The following SMAD2 variants were observed in gnomAD, a reference collection of about 807,000 sequenced individuals.
The protein encoded by SMAD2 is SMAD family member 2, also known as MAD homolog 2.
A neutral mutation model predicts 64.4 loss-of-function variants in SMAD2; 8 were observed. The ratio of observed to expected loss-of-function variants is 0.12; its 90% CI spans 0.07 to 0.22. The LOEUF (loss-of-function observed/expected upper bound fraction) is 0.22. SMAD2 is among the 10% of genes least tolerant of loss of function. The probability of loss-of-function intolerance (pLI) is 1.00; values close to 1 mark genes in which losing one functional copy is unlikely to be tolerated. For missense variants in SMAD2, 289 were observed against 561.2 expected, an observed-to-expected ratio of 0.51 and a Z score of 4.90; for synonymous variants, 203 against 195.8, an observed-to-expected ratio of 1.04 and a Z score of -0.31.
intron 7 of SMAD2, among the ~76,000 whole-genome samples, chr18:47,849,909 G>A (rs948057806): frequency 1.8e-4 from 27 of 151,672 alleles, no homozygotes; most frequent in African/African-American, 5.8e-4. Flanking sequence ...TCAGGAGGCT[G>A]AGGCAGAGAA....
chr18:47,930,669 G>T (rs1166468376), upstream of SMAD2: 1 of 149,430 alleles, frequency 6.7e-6, no homozygotes, highest in Non-Finnish European at 1.5e-5. Context: ...CGCCCGCGCT[G>T]CCCCTCCTCC....
chr18:47,897,870 A>G (rs2033509576), intron 1 of SMAD2, among the ~76,000 whole-genome samples: 2 of 152,206 alleles, frequency 1.3e-5, no homozygotes, highest in African/African-American at 4.8e-5. Flanking sequence ...AGTGAGATAT[A>G]GGAAAAAGGA....
In SMAD2 at chr18:47,837,571, A is replaced by C. The variant is rs879147751; in HGVS notation, c.*4256T>G. Reference sequence around the variant, plus strand: ...AGCGAGACTCCCTCTCAAAAAAAAAAAAAAAAAACAAAAAACAAGGCTAAC... The same window carrying C: ...AGCGAGACTCCCTCTCAAAAAAAAACAAAAAAAACAAAAAACAAGGCTAAC... On this transcript the variant is annotated 3_prime_UTR_variant, in exon 11 of 11. Coordinates refer to ENST00000262160, the MANE Select transcript of SMAD2 (RefSeq NM_005901.6). The C allele has an allele frequency of 7.7e-3, 1,754 of 227,470 alleles. 16 individuals carry two copies. The highest frequency in any genetic ancestry group is 0.011 in the East Asian group (162 of 15,308). 14.1% of individuals were successfully genotyped at this position (227,470 alleles called of 1,614,324 possible).
intron 2 of SMAD2, among the ~76,000 whole-genome samples, chr18:47,879,501 T>TGTGTGC (rs1568076042): frequency 1.4e-5 from 2 of 145,090 alleles, no homozygotes; most frequent in African/African-American, 5.6e-5. Flanking sequence ...ATGACGTGTG[T>TGTGTGC]GTGTGTGTGT....
At chr18:47,890,170 G>A (rs2033123743) in intron 2 of SMAD2, among the ~76,000 whole-genome samples, 1 of 152,150 alleles carries the variant, frequency 6.6e-6, no homozygotes, top group Non-Finnish European at 1.5e-5. Context: ...TTAGCAAAGT[G>A]CCTTCCAAAG....
In SMAD2 at chr18:47,838,378, A is replaced by G. The variant is rs1239896475; in HGVS notation, c.*3449T>C. ...TGCCAAAGTGACAGGTCCTGAGGAAAAAAAACACAACCTCTACAAGACCAA... is the reference window on the plus strand; with the variant it reads ...TGCCAAAGTGACAGGTCCTGAGGAAGAAAAACACAACCTCTACAAGACCAA... On this transcript the variant is annotated 3_prime_UTR_variant, in exon 11 of 11. Coordinates refer to ENST00000262160, the MANE Select transcript of SMAD2 (RefSeq NM_005901.6). 4.3e-6 allele frequency: 1 copy of G among 233,200 alleles called. No homozygotes were observed. Among genetic ancestry groups the G allele is most frequent in the African/African-American group, 2.2e-5 (1 of 45,336 alleles). 14.4% of individuals were successfully genotyped at this position (233,200 alleles called of 1,614,324 possible).
At chr18:47,891,112 C>T (rs1164939488) in intron 2 of SMAD2, among the ~76,000 whole-genome samples, 2 of 152,096 alleles carry the variant, frequency 1.3e-5, no homozygotes, top group African/African-American at 4.8e-5. Flanking sequence ...CGAAACCAGC[C>T]TGACCAACAT....
chr18:47,869,509 TAA>T, intron 3 of SMAD2, 73 bp from the exon 4 acceptor site: 1 of 1,003,688 alleles, frequency 1.0e-6, no homozygotes, highest in Non-Finnish European at 1.5e-6. Context: ...TCAAATGGGC[TAA>T]ATTAGTACAA....
rs1912596291 is a variant in SMAD2, at chr18:47,822,120, T to C, written c.*19707A>G. On this transcript the variant is annotated 3_prime_UTR_variant, in exon 11 of 11. Coordinates refer to ENST00000262160, the MANE Select transcript of SMAD2 (RefSeq NM_005901.6). ...GACACAGTTACATTTATGAGTATGT[T>C]ATTGATATGAGTGTTCCAAAATTGT... The C allele has an allele frequency of 6.6e-6, 1 of 152,220 alleles. No homozygotes were observed. Among genetic ancestry groups the C allele is most frequent in the Non-Finnish European group, 1.5e-5 (1 of 68,026 alleles). 9.4% of individuals were successfully genotyped at this position (152,220 alleles called of 1,614,324 possible).
intron 1 of SMAD2, among the ~76,000 whole-genome samples, chr18:47,914,912 A>G (rs985409026): frequency 6.6e-6 from 1 of 152,150 alleles, no homozygotes; most frequent in Non-Finnish European, 1.5e-5. Context: ...CATATTTATG[A>G]TATCAAGTAC....
chr18:47,819,253 CTTT>C lies in SMAD2; in HGVS notation c.*22571_*22573del, dbSNP rs1330390685. ...CAGTTTTATATTTGTCTCTGTTAGACTTTTTAAGGTCATAAAACTATAAACTCA... is the reference window on the plus strand; with the variant it reads ...CAGTTTTATATTTGTCTCTGTTAGACTTAAGGTCATAAAACTATAAACTCA... On this transcript the variant is annotated 3_prime_UTR_variant, in exon 11 of 11. Coordinates refer to ENST00000262160, the MANE Select transcript of SMAD2 (RefSeq NM_005901.6). The C allele has an allele frequency of 6.6e-6, 1 of 152,138 alleles. No individual in the cohort carries two copies. Among genetic ancestry groups the C allele is most frequent in the Non-Finnish European group, 1.5e-5 (1 of 68,026 alleles). 9.4% of individuals were successfully genotyped at this position (152,138 alleles called of 1,614,324 possible). A position where few individuals can be genotyped will look rare whatever the true frequency, so the allele number is the denominator to read the frequency against.
intron 1 of SMAD2, among the ~76,000 whole-genome samples, chr18:47,913,989 G>C (rs992648933): frequency 6.6e-6 from 1 of 152,134 alleles, no homozygotes. Flanking sequence ...AGGATTCTAC[G>C]ATTACTCACC....
chr18:47,843,237 G>C (rs1425979736), intron 10 of SMAD2, among the ~76,000 whole-genome samples: 1 of 152,158 alleles, frequency 6.6e-6, no homozygotes, highest in African/African-American at 2.4e-5. Context: ...AACAGAAATT[G>C]ACATTTACAT....
At position 47,833,532 on chromosome 18, in the gene SMAD2, A is replaced by G. The variant is rs998802276; in HGVS notation, c.*8295T>C. ...CACTAAGGACTTCCAGAGGGAAACA[A>G]GAACAGGGTCTGCATCCATCATATT... On this transcript the variant is annotated 3_prime_UTR_variant, in exon 11 of 11. Coordinates refer to ENST00000262160, the MANE Select transcript of SMAD2 (RefSeq NM_005901.6). 1 of 230,582 alleles carries G rather than the reference A, an allele frequency of 4.3e-6. No individual in the cohort carries two copies. 14.3% of individuals were successfully genotyped at this position (230,582 alleles called of 1,614,324 possible).
chr18:47,849,407 C>T (rs993574305), intron 7 of SMAD2, among the ~76,000 whole-genome samples: 1 of 151,542 alleles, frequency 6.6e-6, no homozygotes, highest in Non-Finnish European at 1.5e-5. Flanking sequence ...GAATAAATTC[C>T]AAACATGTAA....
In SMAD2 at chr18:47,836,263, G is replaced by A. The variant is rs186962996; in HGVS notation, c.*5564C>T. The A allele has an allele frequency of 4.5e-6, 1 of 223,958 alleles. No individual in the cohort carries two copies. Among genetic ancestry groups the A allele is most frequent in the African/African-American group, 2.2e-5 (1 of 44,934 alleles). The allele number at this position is 223,958 out of a possible 1,614,324, so 13.9% of individuals were successfully genotyped here. A position where few individuals can be genotyped will look rare whatever the true frequency, so the allele number is the denominator to read the frequency against. ...CTTGCACCAGAAGAAGAATTAAAGA[G>A]GGAGCAATCTAGTATTATCAACAAC... On this transcript the variant is annotated 3_prime_UTR_variant, in exon 11 of 11. Transcript: ENST00000262160.
chr18:47,906,207 GA>G (rs1462816909), intron 1 of SMAD2, among the ~76,000 whole-genome samples: 3 of 151,730 alleles, frequency 2.0e-5, no homozygotes, highest in Non-Finnish European at 4.4e-5. Context: ...TCCAAAATCT[GA>G]AACTTCTTGA....
intron 2 of SMAD2, chr18:47,895,148 T>C (rs963807218): frequency 1.3e-5 from 2 of 152,228 alleles, no homozygotes; most frequent in Non-Finnish European, 2.9e-5. Flanking sequence ...CATCCTGTTA[T>C]ATTCAGACTA....
intron 1 of SMAD2, among the ~76,000 whole-genome samples, chr18:47,916,699 A>G (rs1004653778): frequency 2.6e-5 from 4 of 152,214 alleles, no homozygotes; most frequent in Admixed American, 2.6e-4. Context: ...TGGTATAGGT[A>G]TATTTCTAAA....
Sources: allele counts gnomAD v4.1 joint callset (sites outside exome capture counted in the v4.1 genomes callset), GRCh38; gene constraint gnomAD v4.1.1; transcripts MANE v1.5; gene names NCBI Gene and HGNC (gene_info 2026-07-23, HGNC 2026-07-21).